ADCY2: variants seen among roughly 807,000 people sequenced by gnomAD.
The protein encoded by ADCY2 is adenylate cyclase type 2.
A neutral mutation model predicts 125.2 loss-of-function variants in ADCY2; 31 were observed. The observed-to-expected ratio is 0.25, with a 90% CI of 0.19 to 0.33. The LOEUF (loss-of-function observed/expected upper bound fraction) is 0.33, where lower values mean the gene tolerates loss of function less well. Among genes scored for constraint, ADCY2 ranks in the 10% least tolerant of loss-of-function variants. The probability of loss-of-function intolerance (pLI) is 1.00; values close to 1 mark genes in which losing one functional copy is unlikely to be tolerated. For synonymous variants in ADCY2, 512 were observed against 548.4 expected (o/e 0.93, Z 0.93); for missense variants, 904 against 1,418.2 (o/e 0.64, Z 5.82).
At chr5:7,463,622 A>T (rs1741998316) in intron 2 of ADCY2, among the ~76,000 whole-genome samples, 2 of 148,924 alleles carry the variant, frequency 1.3e-5, no homozygotes, top group African/African-American at 4.9e-5. Context: ...GATAGATAAA[A>T]AAAAAAAAAA....
rs1293808899 is a variant in ADCY2 at position 7,698,294 on chromosome 5, T to C, written c.1029T>C (p.Cys343=). The change falls in exon 7 of 25, where the codon TGT becomes TGC. Residue 343 remains cysteine (C), a synonymous_variant. Coordinates refer to ENST00000338316, the MANE Select transcript of ADCY2 (RefSeq NM_020546.3). ...RIKILGDCYY[C]VSGLPISLPN... is the part of the protein sequence containing the mutation. Reference sequence around the variant, plus strand: ...AAATTTTAGGAGACTGCTACTACTGTGTATCTGGACTCCCTATATCTCTCC... The same window carrying C: ...AAATTTTAGGAGACTGCTACTACTGCGTATCTGGACTCCCTATATCTCTCC... 1.2e-6 allele frequency: 2 copies of C among 1,614,088 alleles called. No homozygotes were observed. Among genetic ancestry groups the C allele is most frequent in the Non-Finnish European group, 8.5e-7 (1 of 1,179,914 alleles).
At chr5:7,622,165 G>A (rs1317433264) in intron 3 of ADCY2, among the ~76,000 whole-genome samples, 1 of 152,082 alleles carries the variant, frequency 6.6e-6, no homozygotes, top group Non-Finnish European at 1.5e-5. Context: ...CAGTCTTCTG[G>A]AAAATAAAAT....
chr5:7,765,062 A>G (rs985045598), intron 16 of ADCY2, among the ~76,000 whole-genome samples: 1 of 152,198 alleles, frequency 6.6e-6, no homozygotes, highest in Non-Finnish European at 1.5e-5. Flanking sequence ...TTCAACCATC[A>G]TATTTATTGC....
At chr5:7,486,667 C>A (rs1441426837) in intron 2 of ADCY2, among the ~76,000 whole-genome samples, 1 of 152,070 alleles carries the variant, frequency 6.6e-6, no homozygotes, top group African/African-American at 2.4e-5. Context: ...CACATAGCAA[C>A]TTCCATTTCT....
chr5:7,577,695 GATA>G (rs1247453220), intron 3 of ADCY2, among the ~76,000 whole-genome samples: 2 of 151,806 alleles, frequency 1.3e-5, no homozygotes, highest in South Asian at 2.1e-4. Context: ...CAGTGTTAAT[GATA>G]ATAATAATAA....
At chr5:7,754,913 C>T (rs917373556) in intron 15 of ADCY2, among the ~76,000 whole-genome samples, 7 of 152,010 alleles carry the variant, frequency 4.6e-5, no homozygotes, top group Middle Eastern at 3.4e-3. Flanking sequence ...CCTTCTTCTA[C>T]GGAACACAGA....
chr5:7,720,115 GA>G (rs1322328695), intron 12 of ADCY2, among the ~76,000 whole-genome samples: 2 of 152,068 alleles, frequency 1.3e-5, no homozygotes, highest in Non-Finnish European at 2.9e-5. Flanking sequence ...CTGGGGTCAG[GA>G]AAAATGTCAG....
At chr5:7,807,913 G>A (rs1351091205) in intron 22 of ADCY2, among the ~76,000 whole-genome samples, 2 of 152,136 alleles carry the variant, frequency 1.3e-5, no homozygotes, top group Non-Finnish European at 2.9e-5. Flanking sequence ...CAGGTATGGT[G>A]CACCCATGAC....
In ADCY2 at chr5:7,698,305, T is replaced by C; in HGVS notation, c.1040T>C (p.Leu347Pro). The C allele has an allele frequency of 6.2e-7, 1 of 1,614,130 alleles. No homozygotes were observed. The highest frequency in any genetic ancestry group is 8.5e-7 in the Non-Finnish European group (1 of 1,179,946). Residue 347 changes from leucine (L) to proline (P), a missense_variant, in exon 7 of 25, where the codon CTC (leucine) becomes CCC (proline). By Grantham distance (98) the Leu-to-Pro change is moderately conservative. Transcript: ENST00000338316. ...GACTGCTACTACTGTGTATCTGGAC[T>C]CCCTATATCTCTCCCTAACCATGCC... ...LGDCYYCVSG[L>P]PISLPNHAKN...
At chr5:7,820,452 C>A in intron 23 of ADCY2, 113 bp from the exon 24 acceptor site, 1 of 1,355,962 alleles carries the variant, frequency 7.4e-7, no homozygotes, top group South Asian at 1.3e-5. Context: ...CAAGATTGCG[C>A]CACTGCACTC....
chr5:7,665,204 T>G (rs1739671397), intron 4 of ADCY2, among the ~76,000 whole-genome samples: 1 of 152,212 alleles, frequency 6.6e-6, no homozygotes, highest in African/African-American at 2.4e-5. Flanking sequence ...TTTACAGAGT[T>G]TGACTCTTTT....
intron 23 of ADCY2, among the ~76,000 whole-genome samples, chr5:7,818,506 G>A (rs745559787): frequency 3.3e-5 from 5 of 152,006 alleles, no homozygotes; most frequent in Non-Finnish European, 7.4e-5. Flanking sequence ...ATAGGCATGT[G>A]CCACCACACC....
chr5:7,580,207 C>G (rs765105739), intron 3 of ADCY2, among the ~76,000 whole-genome samples: 1 of 152,098 alleles, frequency 6.6e-6, no homozygotes, highest in African/African-American at 2.4e-5. Context: ...TCTTGGAATA[C>G]ACCCATGTAA....
chr5:7,592,916 T>C (rs1420373055), intron 3 of ADCY2, among the ~76,000 whole-genome samples: 1 of 152,116 alleles, frequency 6.6e-6, no homozygotes, highest in Non-Finnish European at 1.5e-5. Flanking sequence ...AAGACAAAAC[T>C]TAAGGAAAAA....
At chr5:7,421,715 A>ACTCCTCCTT (rs1257176806) in intron 2 of ADCY2, among the ~76,000 whole-genome samples, 1 of 151,730 alleles carries the variant, frequency 6.6e-6, no homozygotes, top group Non-Finnish European at 1.5e-5. Flanking sequence ...TCTGAGGTTC[A>ACTCCTCCTT]CTCCTCCTTC....
chr5:7,791,528 C>A (rs1336735255), intron 20 of ADCY2, among the ~76,000 whole-genome samples: 1 of 152,158 alleles, frequency 6.6e-6, no homozygotes, highest in East Asian at 1.9e-4. Flanking sequence ...CACAGTGGGC[C>A]TTCCAGGGCT....
At chr5:7,452,027 C>A (rs940489016) in intron 2 of ADCY2, among the ~76,000 whole-genome samples, 1 of 152,190 alleles carries the variant, frequency 6.6e-6, no homozygotes, top group Non-Finnish European at 1.5e-5. Context: ...TCTCCAGCCT[C>A]AGCCTCTCGA....
intron 2 of ADCY2, among the ~76,000 whole-genome samples, chr5:7,436,099 T>C (rs1238134342): frequency 6.6e-6 from 1 of 152,238 alleles, no homozygotes; most frequent in African/African-American, 2.4e-5. Flanking sequence ...CAGAGTTCAA[T>C]GATAATTAAT....
At chr5:7,413,500 G>A (rs1485697240) in intron 1 of ADCY2, among the ~76,000 whole-genome samples, 4 of 151,550 alleles carry the variant, frequency 2.6e-5, no homozygotes, top group African/African-American at 4.9e-5. Flanking sequence ...GGGTTTCACC[G>A]TGTTAGCCAG....
Sources: allele counts gnomAD v4.1 joint callset (sites outside exome capture counted in the v4.1 genomes callset), GRCh38; gene constraint gnomAD v4.1.1; transcripts MANE v1.5; gene names NCBI Gene and HGNC (gene_info 2026-07-23, HGNC 2026-07-21).